CSMD3: variants seen among roughly 807,000 people sequenced by gnomAD.
CSMD3 encodes CUB and sushi domain-containing protein 3.
A neutral mutation model predicts 435.2 loss-of-function variants in CSMD3; 177 were observed. The observed-to-expected ratio is 0.41, with a 90% CI of 0.36 to 0.46. The LOEUF is 0.46. Ranked by LOEUF, CSMD3 falls within the 20% of genes least tolerant of loss-of-function variation. CSMD3 has a pLI of 0.34. For missense variants in CSMD3, 4,265 were observed against 4,504.6 expected, an observed-to-expected ratio of 0.95 and a Z score of 1.52; for synonymous variants, 1,656 against 1,520.5, an observed-to-expected ratio of 1.09 and a Z score of -2.07.
At chr8:112,360,563 T>G (rs755619543) in intron 38 of CSMD3, among the ~76,000 whole-genome samples, 1 of 150,028 alleles carries the variant, frequency 6.7e-6, no homozygotes, top group Non-Finnish European at 1.5e-5. Context: ...CAAATGGTGG[T>G]TGTAATTCTT....
At chr8:112,524,801 ATC>A (rs896946491) in intron 27 of CSMD3, among the ~76,000 whole-genome samples, 3 of 152,010 alleles carry the variant, frequency 2.0e-5, no homozygotes, top group Non-Finnish European at 4.4e-5. Flanking sequence ...TTAAAATGAC[ATC>A]TGTGTACAAA....
At chr8:112,375,361 A>G (rs1828844338) in intron 38 of CSMD3, among the ~76,000 whole-genome samples, 1 of 152,120 alleles carries the variant, frequency 6.6e-6, no homozygotes, top group Admixed American at 6.6e-5. Flanking sequence ...TACTTTCTAC[A>G]TTAAAGATCA....
chr8:112,461,539 C>A (rs1268638921), intron 32 of CSMD3, among the ~76,000 whole-genome samples: 2 of 151,978 alleles, frequency 1.3e-5, no homozygotes, highest in African/African-American at 4.8e-5. Flanking sequence ...TATGAATATT[C>A]AGGCTCATTC....
chr8:112,956,518 G>GT (rs763999806), intron 7 of CSMD3, among the ~76,000 whole-genome samples: 5 of 152,028 alleles, frequency 3.3e-5, no homozygotes, highest in Non-Finnish European at 7.4e-5. Context: ...TGCATTATAA[G>GT]ATTTGACTTT....
intron 27 of CSMD3, among the ~76,000 whole-genome samples, chr8:112,535,678 G>A (rs549508184): frequency 1.3e-5 from 2 of 151,946 alleles, no homozygotes; most frequent in African/African-American, 2.4e-5. Flanking sequence ...CTACTTTAAA[G>A]TTCATATGGA....
At chr8:113,357,452 G>A (rs997295076) in intron 1 of CSMD3, among the ~76,000 whole-genome samples, 5 of 152,164 alleles carry the variant, frequency 3.3e-5, no homozygotes, top group African/African-American at 1.2e-4. Context: ...AATGTGACTG[G>A]TGTGACAGGG....
At chr8:113,043,589 ACT>A (rs1564247063) in intron 5 of CSMD3, among the ~76,000 whole-genome samples, 4 of 124,964 alleles carry the variant, frequency 3.2e-5, no homozygotes, top group African/African-American at 1.5e-4. Flanking sequence ...AAAGCCTTTG[ACT>A]GACTGAATTA....
intron 4 of CSMD3, among the ~76,000 whole-genome samples, chr8:113,157,241 G>A (rs1323849329): frequency 1.3e-5 from 2 of 151,998 alleles, no homozygotes; most frequent in Admixed American, 6.6e-5. Context: ...GGTACTTTAC[G>A]TTGCCTTCTG....
At chr8:113,137,374 T>C (rs1022651610) in intron 4 of CSMD3, among the ~76,000 whole-genome samples, 5 of 151,772 alleles carry the variant, frequency 3.3e-5, no homozygotes, top group African/African-American at 4.8e-5. Context: ...TTTATATGTT[T>C]ATAAAAAGAG....
intron 5 of CSMD3, among the ~76,000 whole-genome samples, chr8:113,035,081 GAAAAC>G (rs2131260445): frequency 6.6e-6 from 1 of 151,682 alleles, no homozygotes; most frequent in Non-Finnish European, 1.5e-5. Flanking sequence ...AGAGAAAAAA[GAAAAC>G]AATCTATGCA....
At chr8:112,552,427 A>G (rs1044706197) in intron 26 of CSMD3, among the ~76,000 whole-genome samples, 167 bp downstream of exon 26, 7 of 152,116 alleles carry the variant, frequency 4.6e-5, no homozygotes, top group Admixed American at 3.3e-4. Flanking sequence ...AGGAGGTTGC[A>G]GTGAGCCGAG....
intron 5 of CSMD3, among the ~76,000 whole-genome samples, chr8:113,035,060 A>G (rs911589822): frequency 1.3e-5 from 2 of 152,032 alleles, no homozygotes; most frequent in Non-Finnish European, 2.9e-5. Context: ...CTAAGCTTCC[A>G]TTTTAAGAAG....
chr8:112,285,047 G>A (rs996090657), intron 58 of CSMD3, among the ~76,000 whole-genome samples: 12 of 151,198 alleles, frequency 7.9e-5, no homozygotes, highest in Middle Eastern at 3.4e-3. Context: ...TTATCCATTC[G>A]TCTACTAAAA....
At chr8:113,360,570 C>CT (rs35009987) in intron 1 of CSMD3, among the ~76,000 whole-genome samples, 48 of 88,926 alleles carry the variant, frequency 5.4e-4, no homozygotes, top group Non-Finnish European at 7.1e-4. Context: ...TGACTTCAGT[C>CT]TTTTTTTTTT....
chr8:112,742,903 AG>A (rs1176223914), intron 13 of CSMD3, among the ~76,000 whole-genome samples: 1 of 152,040 alleles, frequency 6.6e-6, no homozygotes, highest in African/African-American at 2.4e-5. Flanking sequence ...TGGCCTGTAT[AG>A]TCACACAGGG....
At chr8:113,352,823 A>G (rs965989603) in intron 1 of CSMD3, among the ~76,000 whole-genome samples, 3 of 152,202 alleles carry the variant, frequency 2.0e-5, no homozygotes, top group African/African-American at 7.2e-5. Flanking sequence ...ATCACATCAC[A>G]TAGGTCTTTG....
At chr8:113,173,050 G>A (rs955286316) in intron 4 of CSMD3, among the ~76,000 whole-genome samples, 1 of 152,108 alleles carries the variant, frequency 6.6e-6, no homozygotes, top group Non-Finnish European at 1.5e-5. Context: ...TTTCCATGCT[G>A]TCGTCTATCA....
At chr8:112,309,502 AT>A (rs796997834) in intron 50 of CSMD3, among the ~76,000 whole-genome samples, 5 of 152,112 alleles carry the variant, frequency 3.3e-5, no homozygotes, top group African/African-American at 9.6e-5. Flanking sequence ...GACATCAAAG[AT>A]TCTTTCCCAA....
At chr8:113,110,648 C>G (rs1019514714) in intron 4 of CSMD3, among the ~76,000 whole-genome samples, 2 of 152,142 alleles carry the variant, frequency 1.3e-5, no homozygotes, top group Non-Finnish European at 2.9e-5. Context: ...TTTCTGAACC[C>G]TCACCAAGAT....
Sources: allele counts gnomAD v4.1 joint callset (sites outside exome capture counted in the v4.1 genomes callset), GRCh38; gene constraint gnomAD v4.1.1; transcripts MANE v1.5; gene names NCBI Gene and HGNC (gene_info 2026-07-23, HGNC 2026-07-21).